DENND2B: variants seen among roughly 807,000 people sequenced by gnomAD.
DENND2B encodes DENN domain-containing protein 2B.
DENND2B carries 32 observed loss-of-function variants against 116.0 expected under a neutral mutation model. The observed-to-expected ratio is 0.28, with a 90% CI of 0.21 to 0.37. DENND2B has a LOEUF of 0.37. Among genes scored for constraint, DENND2B ranks in the 10% least tolerant of loss-of-function variants. The pLI is 1.00. For missense variants in DENND2B, 1,276 were observed against 1,477.7 expected (o/e 0.86, Z 2.24); for synonymous variants, 588 against 583.9 (o/e 1.01, Z -0.10).
intron 6 of DENND2B, among the ~76,000 whole-genome samples, chr11:8,714,987 A>G (rs538238061): frequency 6.6e-6 from 1 of 152,290 alleles, no homozygotes; most frequent in Admixed American, 6.5e-5. Flanking sequence ...ATCAAACTAG[A>G]CAGGATGGTA....
chr11:8,821,578 C>A (rs74824544), intron 4 of DENND2B, among the ~76,000 whole-genome samples: 1 of 149,292 alleles, frequency 6.7e-6, no homozygotes, highest in African/African-American at 2.5e-5. Context: ...GATCCTGTCT[C>A]AAAAAAAAAA....
At chr11:8,901,981 C>T (rs10840148) in intron 1 of DENND2B, among the ~76,000 whole-genome samples, 51,575 of 151,936 alleles carry the variant, frequency 0.34, 10,431 homozygotes, top group Non-Finnish European at 0.44. Flanking sequence ...CTGACAGTAT[C>T]GTTTAGCCTT....
intron 1 of DENND2B, among the ~76,000 whole-genome samples, chr11:8,887,526 G>A (rs867844638): frequency 1.3e-5 from 2 of 152,168 alleles, no homozygotes; most frequent in Non-Finnish European, 1.5e-5. Flanking sequence ...TGTGTTAACT[G>A]ATAATATCTA....
At chr11:8,785,859 T>C (rs1396112565) in intron 1 of DENND2B, 1 of 152,224 alleles carries the variant, frequency 6.6e-6, no homozygotes, top group African/African-American at 2.4e-5. Context: ...AACAAAATAA[T>C]GTTCTAATAG....
intron 1 of DENND2B, among the ~76,000 whole-genome samples, chr11:8,773,279 C>T (rs1050401008): frequency 1.3e-5 from 2 of 152,156 alleles, no homozygotes; most frequent in African/African-American, 2.4e-5. Context: ...CTGCAGACCA[C>T]GGCCAGGGCC....
chr11:8,903,160 C>T (rs966219838), intron 1 of DENND2B, among the ~76,000 whole-genome samples: 1 of 152,122 alleles, frequency 6.6e-6, no homozygotes, highest in African/African-American at 2.4e-5. Flanking sequence ...ACCTGGCCAT[C>T]TGTATTTTTT....
chr11:8,887,308 G>A (rs956219747), intron 1 of DENND2B, among the ~76,000 whole-genome samples: 1 of 152,082 alleles, frequency 6.6e-6, no homozygotes, highest in African/African-American at 2.4e-5. Flanking sequence ...GCTTAGGCAG[G>A]TTAAACAATT....
chr11:8,699,452 G>C (rs2041091542), intron 14 of DENND2B, 62 bp from the exon 15 acceptor site: 1 of 1,498,494 alleles, frequency 6.7e-7, no homozygotes, highest in African/African-American at 1.4e-5. Flanking sequence ...GAGCTCGCTG[G>C]AGGCTCAGGA....
At chr11:8,781,997 A>G (rs960812166) in intron 1 of DENND2B, among the ~76,000 whole-genome samples, 2 of 152,218 alleles carry the variant, frequency 1.3e-5, no homozygotes, top group Non-Finnish European at 2.9e-5. Context: ...AACAACTACT[A>G]TAGAGAACAA....
In DENND2B at chr11:8,712,013, T is replaced by C. The variant is rs2133802616; in HGVS notation, c.2172+538A>G. On this transcript the variant is annotated intron_variant, in intron 9 of 19. Transcript: ENST00000313726. The surrounding 1 kb of genome is among the most constrained non-coding windows in gnomAD (Gnocchi z 4.4). ...AAATGAGAAGGAGCCAGCAGCCACG[T>C]GAAGAGCTGGAGAAAGCACATTCCT... 1 of 455,798 alleles carries C rather than the reference T, an allele frequency of 2.2e-6. No individual in the cohort carries two copies. The highest frequency in any genetic ancestry group is 2.3e-5 in the Admixed American group (1 of 42,560). The allele number at this position is 455,798 out of a possible 1,614,324, so 28.2% of individuals were successfully genotyped here.
chr11:8,742,438 G>T (rs1488840638), intron 2 of DENND2B, among the ~76,000 whole-genome samples: 1 of 152,162 alleles, frequency 6.6e-6, no homozygotes, highest in Non-Finnish European at 1.5e-5. Flanking sequence ...TGGGCTGTCA[G>T]TAGGGGCATA....
intron 2 of DENND2B, among the ~76,000 whole-genome samples, chr11:8,740,953 G>A (rs1308950856): frequency 1.3e-5 from 2 of 152,194 alleles, no homozygotes; most frequent in Non-Finnish European, 2.9e-5. Context: ...CCCCAGCCTA[G>A]AGCAGAAACT....
chr11:8,744,897 C>CA (rs1196321729), intron 2 of DENND2B, among the ~76,000 whole-genome samples: 2 of 150,688 alleles, frequency 1.3e-5, no homozygotes, highest in African/African-American at 4.9e-5. Context: ...ACCTGCGCCC[C>CA]AAAAGTCTCA....
At chr11:8,883,319 G>A (rs2063922494) in intron 1 of DENND2B, among the ~76,000 whole-genome samples, 2 of 152,184 alleles carry the variant, frequency 1.3e-5, no homozygotes, top group African/African-American at 2.4e-5. Flanking sequence ...AATGTCAAGT[G>A]ATTAAAGAGT....
At position 8,730,833 on chromosome 11, in the gene DENND2B, T is replaced by A. The variant is rs148990882; in HGVS notation, c.457A>T (p.Thr153Ser). The A allele has an allele frequency of 1.9e-6, 3 of 1,613,226 alleles. No homozygotes were observed. The Admixed American group carries it at 5.0e-5, about 27-fold the overall frequency. Residue 153 changes from threonine to serine, a missense_variant, in exon 3 of 20, where the codon ACC becomes TCC. Thr to Ser is a moderately conservative substitution (Grantham distance 58, BLOSUM62 1). Around this residue, in one of 2 missense-constraint regions of DENND2B, gnomAD observed 856 missense variants for 846.6 expected, o/e 1.01. Transcript: ENST00000313726. This position sits in a 1 kb window ranked among gnomAD's most constrained non-coding sequence, Gnocchi z 4.1. The part of the protein sequence containing the change: ...PAAGPRGVLL[T>S]RTGTRAHSLG... ...CTGTGGGCGCGGGTACCGGTACGGG[T>A]CAGCAAGACGCCCCGGGGGCCAGCT...
intron 1 of DENND2B, among the ~76,000 whole-genome samples, chr11:8,799,223 C>T (rs961934370): frequency 1.3e-5 from 2 of 152,184 alleles, no homozygotes; most frequent in African/African-American, 2.4e-5. Flanking sequence ...CCAATATCTT[C>T]ACAACTGGCT....
At chr11:8,877,873 T>G (rs1193031830) in intron 2 of DENND2B, among the ~76,000 whole-genome samples, 2 of 152,136 alleles carry the variant, frequency 1.3e-5, no homozygotes, top group East Asian at 3.9e-4. Context: ...CTGGGGGGAA[T>G]AAAAGTAATA....
chr11:8,884,336 G>T (rs944566061), intron 1 of DENND2B, among the ~76,000 whole-genome samples: 19 of 150,562 alleles, frequency 1.3e-4, no homozygotes, highest in African/African-American at 4.4e-4. Context: ...TGTTGTTGTT[G>T]TTTTTTGTTT....
intron 1 of DENND2B, chr11:8,766,518 C>G: frequency 1.1e-6 from 1 of 938,052 alleles, no homozygotes; most frequent in South Asian, 1.5e-5. Context: ...TGTCCACAAG[C>G]CAAATCATTA....
Sources: gnomAD v4.1 joint callset for allele counts (sites outside exome capture counted in the v4.1 genomes callset) on GRCh38, gnomAD v4.1.1 for gene constraint, gnomAD v4.1.1 regional missense constraint, Gnocchi (gnomAD v3.1) non-coding constraint, MANE v1.5 for transcripts, NCBI Gene and HGNC (gene_info 2026-07-23, HGNC 2026-07-21) for gene names.